The following TIAM1 variants were observed in gnomAD, a reference collection of about 807,000 sequenced individuals.
TIAM1 encodes the protein TIAM Rac1 associated GEF 1, also known as rho guanine nucleotide exchange factor TIAM1.
Under a neutral mutation model 163.5 loss-of-function variants are expected in TIAM1, and 65 were observed. The ratio of observed to expected loss-of-function variants is 0.40; its 90% CI spans 0.33 to 0.49. The LOEUF is 0.49. TIAM1 is among the 20% of genes least tolerant of loss of function. TIAM1 has a pLI of 0.77. For synonymous variants in TIAM1, 833 were observed against 810.1 expected (o/e 1.03, Z -0.48); for missense variants, 1,789 against 2,044.7 (o/e 0.87, Z 2.41).
At chr21:31,447,269 G>GA (rs1050735066) in intron 2 of TIAM1, among the ~76,000 whole-genome samples, 12 of 151,920 alleles carry the variant, frequency 7.9e-5, no homozygotes, top group African/African-American at 2.9e-4. Context: ...TAGCAACTGG[G>GA]AAAAAAATTT....
intron 1 of TIAM1, among the ~76,000 whole-genome samples, chr21:31,498,645 G>C (rs16988311): frequency 0.049 from 7,396 of 152,238 alleles, 439 homozygotes; most frequent in African/African-American, 0.14. Context: ...CAAGACATGG[G>C]ATGAGAAAAC....
At chr21:31,244,305 T>TA (rs1411635606) in intron 6 of TIAM1, among the ~76,000 whole-genome samples, 1 of 152,234 alleles carries the variant, frequency 6.6e-6, no homozygotes, top group African/African-American at 2.4e-5. Context: ...CCTTGCATGT[T>TA]ATATTCTTAC....
chr21:31,549,364 A>G (rs2048605243), intron 1 of TIAM1, among the ~76,000 whole-genome samples: 1 of 152,236 alleles, frequency 6.6e-6, no homozygotes, highest in Non-Finnish European at 1.5e-5. Flanking sequence ...ATAGGGCATC[A>G]TCAAGAAAAT....
chr21:31,239,879 A>G (rs2071077694), intron 6 of TIAM1, among the ~76,000 whole-genome samples: 1 of 152,228 alleles, frequency 6.6e-6, no homozygotes, highest in African/African-American at 2.4e-5. Flanking sequence ...CTAGGCTGCT[A>G]ATGAGAGTAT....
chr21:31,126,011 C>T (rs1037504628), intron 26 of TIAM1, among the ~76,000 whole-genome samples: 1 of 152,146 alleles, frequency 6.6e-6, no homozygotes, highest in Non-Finnish European at 1.5e-5. Flanking sequence ...AGTAATGGCA[C>T]TTTTAATTAC....
intron 2 of TIAM1, among the ~76,000 whole-genome samples, chr21:31,454,214 T>C (rs1320833192): frequency 1.3e-5 from 2 of 152,216 alleles, no homozygotes; most frequent in African/African-American, 4.8e-5. Context: ...ATTTTTTTGC[T>C]GATAAATTCC....
In TIAM1 at chr21:31,118,706, T is replaced by C. The variant is rs1450280796; in HGVS notation, c.*1662A>G. 4.3e-6 allele frequency: 2 copies of C among 468,018 alleles called. No individual in the cohort carries two copies. The highest frequency in any genetic ancestry group is 7.0e-5 in the East Asian group (1 of 14,354). 29.0% of individuals were successfully genotyped at this position (468,018 alleles called of 1,614,324 possible). On this transcript the variant is annotated 3_prime_UTR_variant, in exon 28 of 28. Transcript: ENST00000541036. ...TCGAACCGGAGATGATATGGAAAAA[T>C]GCAGTGATACAAAGGGTATAGAAAC...
At chr21:31,386,183 G>A (rs2147184994) in intron 2 of TIAM1, among the ~76,000 whole-genome samples, 1 of 152,238 alleles carries the variant, frequency 6.6e-6, no homozygotes, top group Middle Eastern at 3.4e-3. Context: ...GAGAGGGGCT[G>A]TGATGAAATG....
intron 2 of TIAM1, among the ~76,000 whole-genome samples, chr21:31,412,965 C>G (rs2043252074): frequency 6.6e-6 from 1 of 152,138 alleles, no homozygotes; most frequent in South Asian, 2.1e-4. Flanking sequence ...TGGTTCCTAA[C>G]AGACCATAGA....
chr21:31,311,337 T>C (rs2074922710), intron 2 of TIAM1, among the ~76,000 whole-genome samples: 1 of 152,172 alleles, frequency 6.6e-6, no homozygotes, highest in Admixed American at 6.5e-5. Flanking sequence ...GAAATTGTCT[T>C]CTCTAAGACA....
chr21:31,473,537 C>G (rs1446215551), intron 1 of TIAM1, among the ~76,000 whole-genome samples: 1 of 133,372 alleles, frequency 7.5e-6, no homozygotes, highest in East Asian at 2.6e-4. Flanking sequence ...TTTTTTTTTG[C>G]TGTTGGAGTA....
chr21:31,410,291 TAGTG>T (rs1366090651), intron 2 of TIAM1, among the ~76,000 whole-genome samples: 1 of 151,166 alleles, frequency 6.6e-6, no homozygotes, highest in East Asian at 2.0e-4. Context: ...GTGTGTCTGA[TAGTG>T]TGTGTAATGA....
At chr21:31,153,408 AAT>A (rs2083469729) in intron 17 of TIAM1, among the ~76,000 whole-genome samples, 1 of 152,168 alleles carries the variant, frequency 6.6e-6, no homozygotes, top group African/African-American at 2.4e-5. Flanking sequence ...AGGCATAGAC[AAT>A]ATGTCAAGGA....
At chr21:31,515,025 T>C (rs2047335068) in intron 1 of TIAM1, among the ~76,000 whole-genome samples, 1 of 152,246 alleles carries the variant, frequency 6.6e-6, no homozygotes, top group Admixed American at 6.5e-5. Flanking sequence ...CAGACGGGCC[T>C]TGCCTGGTTC....
intron 10 of TIAM1, among the ~76,000 whole-genome samples, chr21:31,210,693 G>GAA: frequency 1.0e-5 from 1 of 98,308 alleles, no homozygotes; most frequent in African/African-American, 5.4e-5. Flanking sequence ...GAAAAAGAAA[G>GAA]AAAGAAAGAA....
chr21:31,144,542 G>T (rs1003738247), intron 20 of TIAM1, among the ~76,000 whole-genome samples: 1 of 152,002 alleles, frequency 6.6e-6, no homozygotes, highest in African/African-American at 2.4e-5. Flanking sequence ...AGAAAATATG[G>T]GTCAGCTGGG....
At chr21:31,409,341 C>T (rs71321388) in intron 2 of TIAM1, among the ~76,000 whole-genome samples, 1 of 152,148 alleles carries the variant, frequency 6.6e-6, no homozygotes, top group Admixed American at 6.5e-5. Flanking sequence ...AACTCCTGAC[C>T]TCGTGATCCA....
chr21:31,291,546 T>C (rs1049188810), intron 2 of TIAM1, among the ~76,000 whole-genome samples: 11 of 152,222 alleles, frequency 7.2e-5, no homozygotes, highest in Admixed American at 1.3e-4. Flanking sequence ...TTTATTGAGA[T>C]GGAGTCTCGC....
At chr21:31,472,712 C>A (rs1043009304) in intron 1 of TIAM1, among the ~76,000 whole-genome samples, 25 of 152,168 alleles carry the variant, frequency 1.6e-4, no homozygotes, top group African/African-American at 4.8e-4. Context: ...AAGATGGGTT[C>A]TGTAATTTAA....
Sources: allele counts gnomAD v4.1 joint callset (sites outside exome capture counted in the v4.1 genomes callset), GRCh38; gene constraint gnomAD v4.1.1; transcripts MANE v1.5; gene names NCBI Gene and HGNC (gene_info 2026-07-23, HGNC 2026-07-21).